The following MBD5 variants were observed in gnomAD, a reference collection of about 807,000 sequenced individuals.
MBD5 encodes the protein methyl-CpG binding domain protein 5, also known as methyl-CpG-binding domain protein 5.
In MBD5, 13 loss-of-function variants were observed where a neutral mutation model predicts 117.3. That is an observed-to-expected ratio of 0.11 (90% CI 0.07 to 0.18). MBD5 has a LOEUF of 0.18. Among genes scored for constraint, MBD5 ranks in the 10% least tolerant of loss-of-function variants. The pLI is 1.00. For missense variants in MBD5, 1,879 were observed against 2,093.8 expected, an observed-to-expected ratio of 0.90 and a Z score of 2.00; for synonymous variants, 727 against 766.4, an observed-to-expected ratio of 0.95 and a Z score of 0.85.
chr2:148,257,820 G>A (rs1473899384), intron 3 of MBD5, among the ~76,000 whole-genome samples: 6 of 152,150 alleles, frequency 3.9e-5, no homozygotes, highest in African/African-American at 1.2e-4. Flanking sequence ...GAGTGATATC[G>A]ATGGAGAAAA....
At chr2:148,083,160 C>T (rs956010600) in intron 1 of MBD5, among the ~76,000 whole-genome samples, 10 of 152,128 alleles carry the variant, frequency 6.6e-5, no homozygotes, top group Admixed American at 1.3e-4. Context: ...TCTTCTTTTG[C>T]GCTTATTAAC....
At position 148,240,412 on chromosome 2, in the gene MBD5, ATAAT is replaced by A. The variant is rs564824960; in HGVS notation, c.-680+7021_-680+7024del. Among the ~76,000 whole-genome samples, 500 of 80,472 alleles carry A rather than the reference ATAAT, an allele frequency of 6.2e-3. 4 individuals are homozygous for A. Among genetic ancestry groups the A allele is most frequent in the African/African-American group, 0.018 (464 of 25,766 alleles). 52.8% of individuals were successfully genotyped at this position (80,472 alleles called of 152,430 possible). On this transcript the variant is annotated intron_variant, in intron 3 of 13. Coordinates refer to ENST00000642680, the MANE Select transcript of MBD5 (RefSeq NM_001378120.1). ...GCACATGTACCCTAGAACTTAAAGT[ATAAT>A]TAAAGAAAAAAAAAAAAGAAATGGG...
chr2:148,124,495 C>T (rs978532283), intron 1 of MBD5, among the ~76,000 whole-genome samples: 14 of 151,930 alleles, frequency 9.2e-5, no homozygotes, highest in African/African-American at 3.4e-4. Context: ...GAAGGATTGC[C>T]TGAGACCAGT....
chr2:148,049,887 T>C, intron 1 of MBD5, among the ~76,000 whole-genome samples: 1 of 152,212 alleles, frequency 6.6e-6, no homozygotes, highest in East Asian at 1.9e-4. Context: ...GCATCAGTAC[T>C]TCAATCTCCT....
chr2:148,323,753 G>A (rs1298378080), intron 3 of MBD5, among the ~76,000 whole-genome samples: 1 of 152,178 alleles, frequency 6.6e-6, no homozygotes, highest in Non-Finnish European at 1.5e-5. Flanking sequence ...CCCTTTGTCA[G>A]ATGAGTAGGT....
chr2:148,432,652 A>G (rs866411388), intron 4 of MBD5, among the ~76,000 whole-genome samples: 7 of 151,936 alleles, frequency 4.6e-5, no homozygotes, highest in Non-Finnish European at 7.4e-5. Context: ...GTTGTTGTCA[A>G]CTTTGTTGGA....
intron 3 of MBD5, among the ~76,000 whole-genome samples, chr2:148,309,006 G>T (rs889866144): frequency 1.3e-5 from 2 of 152,058 alleles, no homozygotes; most frequent in Non-Finnish European, 2.9e-5. Flanking sequence ...CCGTTTCATT[G>T]GTCTATATAT....
At chr2:148,208,631 C>G (rs1699343564) in intron 2 of MBD5, among the ~76,000 whole-genome samples, 1 of 146,350 alleles carries the variant, frequency 6.8e-6, no homozygotes, top group African/African-American at 2.5e-5. Context: ...ATCTTGCTGC[C>G]TTTTTCATTT....
chr2:148,344,427 A>G (rs1366675668), intron 4 of MBD5, among the ~76,000 whole-genome samples: 1 of 152,084 alleles, frequency 6.6e-6, no homozygotes, highest in Non-Finnish European at 1.5e-5. Context: ...TTTTAAAAAT[A>G]TCGATTCTTC....
chr2:148,353,726 G>A (rs1244512527), intron 4 of MBD5, among the ~76,000 whole-genome samples: 1 of 151,910 alleles, frequency 6.6e-6, no homozygotes, highest in African/African-American at 2.4e-5. Flanking sequence ...GACTACAGGT[G>A]TGTGCCAGCA....
chr2:148,362,999 A>G (rs1703585960), intron 4 of MBD5, among the ~76,000 whole-genome samples: 1 of 152,158 alleles, frequency 6.6e-6, no homozygotes, highest in South Asian at 2.1e-4. Flanking sequence ...CAACACAAAG[A>G]CCAAAGGTAG....
intron 1 of MBD5, among the ~76,000 whole-genome samples, chr2:148,103,134 G>C (rs943314698): frequency 4.6e-5 from 7 of 152,066 alleles, no homozygotes; most frequent in Admixed American, 3.9e-4. Flanking sequence ...GCTACATGAG[G>C]AAAATTAAAT....
At chr2:148,321,759 A>G (rs1452448648) in intron 3 of MBD5, among the ~76,000 whole-genome samples, 1 of 151,300 alleles carries the variant, frequency 6.6e-6, no homozygotes, top group Non-Finnish European at 1.5e-5. Flanking sequence ...TAAAATCCCA[A>G]CTCTTTTTTT....
chr2:148,425,203 T>C (rs1432212451), intron 4 of MBD5, among the ~76,000 whole-genome samples: 3 of 152,112 alleles, frequency 2.0e-5, no homozygotes, highest in Non-Finnish European at 4.4e-5. Flanking sequence ...ATAAAGGGAA[T>C]ATCACCACTG....
intron 4 of MBD5, among the ~76,000 whole-genome samples, chr2:148,442,073 G>A (rs1179760178): frequency 6.6e-6 from 1 of 151,844 alleles, no homozygotes; most frequent in Non-Finnish European, 1.5e-5. Flanking sequence ...TCACTCTGAT[G>A]GTAGTTTCTT....
At chr2:148,027,301 C>A (rs1693924365) in intron 1 of MBD5, 1 of 151,820 alleles carries the variant, frequency 6.6e-6, no homozygotes. Flanking sequence ...TCTCTAGGTG[C>A]CTAAATTATT....
At position 148,412,278 on chromosome 2, in the gene MBD5, G is replaced by T. The variant is rs982242330; in HGVS notation, c.-556-45925G>T. On this transcript the variant is annotated intron_variant, in intron 4 of 13. Coordinates refer to ENST00000642680, the MANE Select transcript of MBD5 (RefSeq NM_001378120.1). ...TAGCCTTGTAGTATACTTTTTGTGT[G>T]TGTGTGTGTGTGTGTGTGTGTGTGT... 8.6e-3 allele frequency among the ~76,000 whole-genome samples: 1,282 copies of T among 149,654 alleles called. 20 individuals carry two copies. Among genetic ancestry groups the T allele is most frequent in the African/African-American group, 0.031 (1,225 of 40,110 alleles).
chr2:148,229,054 A>G (rs1699915428), intron 2 of MBD5, among the ~76,000 whole-genome samples: 1 of 152,038 alleles, frequency 6.6e-6, no homozygotes, highest in Non-Finnish European at 1.5e-5. Context: ...TCTTTTCAAA[A>G]AACCAGCTCC....
At chr2:148,057,613 A>G (rs1694905159) in intron 1 of MBD5, among the ~76,000 whole-genome samples, 1 of 151,914 alleles carries the variant, frequency 6.6e-6, no homozygotes, top group Non-Finnish European at 1.5e-5. Flanking sequence ...AAAGATTATA[A>G]TTCTTAGAAA....
Sources: gnomAD v4.1 joint callset for allele counts (sites outside exome capture counted in the v4.1 genomes callset) on GRCh38, gnomAD v4.1.1 for gene constraint, MANE v1.5 for transcripts, NCBI Gene and HGNC (gene_info 2026-07-23, HGNC 2026-07-21) for gene names.